Variants in NMNAT1 observed in about 807,000 individuals in gnomAD.
NMNAT1 encodes the protein nicotinamide nucleotide adenylyltransferase 1, also known as nicotinamide/nicotinic acid mononucleotide adenylyltransferase 1.
In NMNAT1, 11 loss-of-function variants were observed where a neutral mutation model predicts 16.7. That is an observed-to-expected ratio of 0.66 (90% CI 0.41 to 1.09). The LOEUF (loss-of-function observed/expected upper bound fraction) is 1.09. Among genes scored for constraint, NMNAT1 ranks in the 50% least tolerant of loss-of-function variants. The pLI, the probability that NMNAT1 is intolerant of heterozygous loss-of-function variation, is 0.00. For missense variants in NMNAT1, 280 were observed against 332.3 expected (o/e 0.84, Z 1.22); for synonymous variants, 110 against 119.8 (o/e 0.92, Z 0.53).
the NMNAT1 span, among the ~76,000 whole-genome samples, chr1:9,996,260 G>A: frequency 2.1e-5 from 3 of 146,308 alleles, no homozygotes; most frequent in Non-Finnish European, 4.4e-5. Flanking sequence ...GCAGTGAGCC[G>A]AGATCTCTCC....
chr1:9,979,277 G>GAACT (rs1641880717), intron 3 of NMNAT1, among the ~76,000 whole-genome samples: 1 of 151,950 alleles, frequency 6.6e-6, no homozygotes, highest in South Asian at 2.1e-4. Flanking sequence ...AGACCAGTGT[G>GAACT]GGCAACATAG....
chr1:9,971,679 TG>T (rs1641691101), intron 1 of NMNAT1, among the ~76,000 whole-genome samples: 1 of 151,960 alleles, frequency 6.6e-6, no homozygotes. Flanking sequence ...GACCTATAAC[TG>T]GGCTGGGCGT....
intron 1 of NMNAT1, among the ~76,000 whole-genome samples, chr1:9,951,871 T>C (rs1187190839): frequency 6.6e-6 from 1 of 152,186 alleles, no homozygotes; most frequent in African/African-American, 2.4e-5. Context: ...ATTTTTAAAC[T>C]TTCCCCAGTG....
the NMNAT1 span, among the ~76,000 whole-genome samples, chr1:9,996,512 G>T: frequency 6.6e-6 from 1 of 152,090 alleles, no homozygotes; most frequent in Non-Finnish European, 1.5e-5. Context: ...AGAATCCCCA[G>T]GCCCCCTTGC....
At position 9,975,485 on chromosome 1, in the gene NMNAT1, G is replaced by C. The variant is rs756830471; in HGVS notation, c.116-107G>C. ...CAGTGCGGCCTGGGGAACAGAGCAAGACTCTGTCTCAAAAAACAAAACAAA... is the reference window on the plus strand; with the variant it reads ...CAGTGCGGCCTGGGGAACAGAGCAACACTCTGTCTCAAAAAACAAAACAAA... On this transcript the variant is annotated intron_variant, in intron 2 of 4. Transcript: ENST00000377205. 59 of 913,112 alleles carry C rather than the reference G, an allele frequency of 6.5e-5. 1 individual carries two copies. Among genetic ancestry groups the C allele is most frequent in the Non-Finnish European group, 9.1e-5 (56 of 614,696 alleles). 56.6% of individuals were successfully genotyped at this position (913,112 alleles called of 1,614,324 possible).
intron 2 of NMNAT1, among the ~76,000 whole-genome samples, chr1:9,973,663 TC>T (rs1641738455): frequency 1.7e-5 from 2 of 114,690 alleles, no homozygotes; most frequent in African/African-American, 6.9e-5. Flanking sequence ...AGCCAAGATG[TC>T]GCCACTGCAC....
downstream of NMNAT1, among the ~76,000 whole-genome samples, chr1:9,988,725 G>T (rs1017965168): frequency 1.4e-3 from 182 of 133,710 alleles, no homozygotes; most frequent in Non-Finnish European, 2.6e-3. Context: ...AAAAAAAAAG[G>T]GTACCTTGAT....
chr1:9,968,534 A>AGACG, intron 1 of NMNAT1, among the ~76,000 whole-genome samples: 2 of 68,214 alleles, frequency 2.9e-5, no homozygotes, highest in Non-Finnish European at 4.1e-5. Context: ...TGGGAGGCCG[A>AGACG]GGCAGGTGGA....
chr1:9,996,168 G>A, the NMNAT1 span, among the ~76,000 whole-genome samples: 2 of 151,174 alleles, frequency 1.3e-5, no homozygotes, highest in Non-Finnish European at 2.9e-5. Context: ...AAAGTTAGCC[G>A]GGCGTGTTGG....
chr1:9,994,509 C>T, the NMNAT1 span, among the ~76,000 whole-genome samples: 6 of 152,144 alleles, frequency 3.9e-5, no homozygotes. Flanking sequence ...TGGCTCACTG[C>T]AACCTCTGCC....
chr1:9,991,776 A>T, the NMNAT1 span, among the ~76,000 whole-genome samples: 1 of 152,142 alleles, frequency 6.6e-6, no homozygotes, highest in Non-Finnish European at 1.5e-5. Context: ...CAGAGATGTG[A>T]TGTGGAGTAA....
At chr1:9,945,864 G>T (rs1426437061) in intron 1 of NMNAT1, among the ~76,000 whole-genome samples, 1 of 152,040 alleles carries the variant, frequency 6.6e-6, no homozygotes, top group Non-Finnish European at 1.5e-5. Flanking sequence ...AGTGATCCTT[G>T]CACCTCAGCC....
At chr1:9,979,382 C>T (rs898034866) in intron 3 of NMNAT1, among the ~76,000 whole-genome samples, 1 of 152,124 alleles carries the variant, frequency 6.6e-6, no homozygotes, top group African/African-American at 2.4e-5. Context: ...GGTAGGATCA[C>T]TTGAGCCCAG....
intron 1 of NMNAT1, among the ~76,000 whole-genome samples, chr1:9,944,670 C>T (rs138838002): frequency 1.4e-4 from 22 of 152,262 alleles, no homozygotes; most frequent in African/African-American, 4.8e-4. Context: ...CACAAGCCAC[C>T]GACAGGCCTG....
At chr1:9,989,769 C>T (rs557097615), downstream of NMNAT1, among the ~76,000 whole-genome samples, 28 of 152,282 alleles carry the variant, frequency 1.8e-4, no homozygotes, top group Admixed American at 1.8e-3. Flanking sequence ...ACCACAAGTG[C>T]GGGTACAAAA....
chr1:9,979,122 T>C (rs1435118963), intron 3 of NMNAT1, among the ~76,000 whole-genome samples: 2 of 152,164 alleles, frequency 1.3e-5, no homozygotes, highest in Non-Finnish European at 1.5e-5. Context: ...ACCAGAAGTA[T>C]TTTCAGTGAA....
chr1:9,952,153 T>C (rs1210067964), intron 1 of NMNAT1, among the ~76,000 whole-genome samples: 1 of 151,812 alleles, frequency 6.6e-6, no homozygotes, highest in East Asian at 1.9e-4. Flanking sequence ...ATACAAAAAA[T>C]TAGCCGGGCA....
chr1:9,963,742 A>C (rs930571551), intron 1 of NMNAT1, among the ~76,000 whole-genome samples: 3 of 151,954 alleles, frequency 2.0e-5, no homozygotes, highest in Non-Finnish European at 4.4e-5. Context: ...TGTAATAGTG[A>C]AAAATTAGAA....
At chr1:9,945,915 G>A (rs777615978) in intron 1 of NMNAT1, among the ~76,000 whole-genome samples, 4 of 152,036 alleles carry the variant, frequency 2.6e-5, no homozygotes, top group East Asian at 1.9e-4. Context: ...CACCACATCC[G>A]GCTAGTTTTT....
Sources: allele counts gnomAD v4.1 joint callset (sites outside exome capture counted in the v4.1 genomes callset), GRCh38; gene constraint gnomAD v4.1.1; transcripts MANE v1.5; gene names NCBI Gene and HGNC (gene_info 2026-07-23, HGNC 2026-07-21).